TENM3: variants seen among roughly 807,000 people sequenced by gnomAD.
TENM3 encodes teneurin-3.
In TENM3, 63 loss-of-function variants were observed where a neutral mutation model predicts 255.1. The observed-to-expected ratio is 0.25, with a 90% CI of 0.20 to 0.30. The LOEUF (loss-of-function observed/expected upper bound fraction) is 0.30, where lower values mean the gene tolerates loss of function less well. TENM3 is among the 10% of genes least tolerant of loss of function. The pLI, the probability that TENM3 is intolerant of heterozygous loss-of-function variation, is 1.00. For missense variants in TENM3, 2,929 were observed against 3,461.1 expected (o/e 0.85, Z 3.86); for synonymous variants, 1,306 against 1,322.3 (o/e 0.99, Z 0.27).
chr4:181,475,503 A>T, the TENM3 span, among the ~76,000 whole-genome samples: 56 of 152,310 alleles, frequency 3.7e-4, no homozygotes, highest in Admixed American at 7.8e-4. Context: ...TGTGAGACAC[A>T]TTAACGATGA....
At chr4:182,691,421 CA>C (rs371794154) in intron 12 of TENM3, among the ~76,000 whole-genome samples, 80 of 152,278 alleles carry the variant, frequency 5.3e-4, no homozygotes, top group African/African-American at 1.9e-3. Context: ...CACTAGAAAG[CA>C]AAGGACATTC....
chr4:182,305,020 A>G (rs1015281974), intron 1 of TENM3, among the ~76,000 whole-genome samples: 3 of 151,622 alleles, frequency 2.0e-5, no homozygotes, highest in African/African-American at 7.3e-5. Context: ...TTCCTGTAGC[A>G]GGAGACACAG....
the TENM3 span, among the ~76,000 whole-genome samples, chr4:182,128,060 A>G: frequency 2.1e-4 from 32 of 152,148 alleles, no homozygotes; most frequent in Middle Eastern, 3.2e-3. Flanking sequence ...GTACTACTTT[A>G]TAATATAGTT....
the TENM3 span, among the ~76,000 whole-genome samples, chr4:181,926,920 C>G: frequency 6.6e-6 from 1 of 151,894 alleles, no homozygotes; most frequent in African/African-American, 2.4e-5. Flanking sequence ...TCTGGGAACT[C>G]CCTCCCCTAG....
At chr4:181,575,393 A>G in the TENM3 span, among the ~76,000 whole-genome samples, 2 of 152,172 alleles carry the variant, frequency 1.3e-5, no homozygotes, top group Non-Finnish European at 2.9e-5. Context: ...TTCGATGGTA[A>G]TGTCATTTTT....
chr4:182,591,583 G>C (rs1474736208), intron 3 of TENM3, among the ~76,000 whole-genome samples: 1 of 152,114 alleles, frequency 6.6e-6, no homozygotes, highest in Non-Finnish European at 1.5e-5. Flanking sequence ...TTGATTTACA[G>C]GCAACTATCT....
the TENM3 span, among the ~76,000 whole-genome samples, chr4:181,827,803 A>C: frequency 6.6e-6 from 1 of 152,190 alleles, no homozygotes; most frequent in Non-Finnish European, 1.5e-5. Context: ...TTTTATAGAC[A>C]GAGCAGCTGT....
the TENM3 span, among the ~76,000 whole-genome samples, chr4:181,915,633 A>C: frequency 6.8e-6 from 1 of 146,884 alleles, no homozygotes; most frequent in African/African-American, 2.5e-5. Context: ...AAAGGAATGC[A>C]AGAAAGGAGA....
At chr4:182,124,934 G>C in the TENM3 span, among the ~76,000 whole-genome samples, 12 of 149,916 alleles carry the variant, frequency 8.0e-5, no homozygotes, top group South Asian at 4.2e-4. Context: ...CACGCTGTGT[G>C]TGCTACTCGC....
intron 1 of TENM3, among the ~76,000 whole-genome samples, chr4:182,206,551 T>C (rs943454801): frequency 6.6e-6 from 1 of 152,256 alleles, no homozygotes; most frequent in African/African-American, 2.4e-5. Context: ...ATCTGCTAGC[T>C]TTCTTTATGG....
At chr4:181,736,978 C>A in the TENM3 span, among the ~76,000 whole-genome samples, 1 of 152,112 alleles carries the variant, frequency 6.6e-6, no homozygotes, top group Admixed American at 6.5e-5. Flanking sequence ...AGTCTTGGAC[C>A]AAGTCGAGTA....
chr4:181,737,502 G>A, the TENM3 span, among the ~76,000 whole-genome samples: 2 of 152,112 alleles, frequency 1.3e-5, no homozygotes, highest in African/African-American at 4.8e-5. Context: ...GCTGGAAGAT[G>A]TCTTCAGATC....
the TENM3 span, among the ~76,000 whole-genome samples, chr4:181,477,698 G>A: frequency 6.6e-6 from 1 of 152,080 alleles, no homozygotes; most frequent in African/African-American, 2.4e-5. Context: ...TCACCAAATT[G>A]CTGCCAGCAA....
chr4:182,234,242 A>G (rs6815613), intron 1 of TENM3, among the ~76,000 whole-genome samples: 14,705 of 152,136 alleles, frequency 0.097, 746 homozygotes, highest in East Asian at 0.16. Flanking sequence ...AAGTTCGTTC[A>G]TCCACAGAGC....
At chr4:182,229,817 T>A (rs969521494) in intron 1 of TENM3, among the ~76,000 whole-genome samples, 25 of 152,292 alleles carry the variant, frequency 1.6e-4, no homozygotes, top group African/African-American at 5.8e-4. Context: ...AAGAATTTCC[T>A]TAATGAATTG....
intron 3 of TENM3, among the ~76,000 whole-genome samples, chr4:182,515,652 A>T (rs1737863434): frequency 6.6e-6 from 1 of 151,622 alleles, no homozygotes; most frequent in African/African-American, 2.4e-5. Flanking sequence ...AACCTCCTTA[A>T]GCAGAAGGAT....
At chr4:182,656,271 C>T (rs1353283499) in intron 6 of TENM3, among the ~76,000 whole-genome samples, 1 of 152,218 alleles carries the variant, frequency 6.6e-6, no homozygotes, top group Non-Finnish European at 1.5e-5. Flanking sequence ...AGCTATCTCT[C>T]TCTGGGCTCT....
intron 1 of TENM3, among the ~76,000 whole-genome samples, chr4:182,298,449 A>G (rs1014253709): frequency 6.6e-6 from 1 of 152,204 alleles, no homozygotes; most frequent in Non-Finnish European, 1.5e-5. Flanking sequence ...ACAGTGGGGA[A>G]CTTTGTTGTT....
chr4:181,838,166 A>T, the TENM3 span, among the ~76,000 whole-genome samples: 2 of 151,988 alleles, frequency 1.3e-5, no homozygotes, highest in South Asian at 4.1e-4. Context: ...GAAAGAAAGA[A>T]AGAAAAGAGA....
Sources: allele counts gnomAD v4.1 joint callset (sites outside exome capture counted in the v4.1 genomes callset), GRCh38; gene constraint gnomAD v4.1.1; transcripts MANE v1.5; gene names NCBI Gene and HGNC (gene_info 2026-07-23, HGNC 2026-07-21).